Variants in NCOA3 observed in about 807,000 individuals in gnomAD.
NCOA3 encodes CBP-interacting protein.
Under a neutral mutation model 158.8 loss-of-function variants are expected in NCOA3, and 51 were observed. The observed-to-expected ratio is 0.32, with a 90% CI of 0.26 to 0.41. The LOEUF (loss-of-function observed/expected upper bound fraction) is 0.41. NCOA3 is among the 10% of genes least tolerant of loss of function. The probability of loss-of-function intolerance (pLI) is 1.00; values close to 1 mark genes in which losing one functional copy is unlikely to be tolerated. For synonymous variants in NCOA3, 537 were observed against 592.4 expected (o/e 0.91, Z 1.36); for missense variants, 1,510 against 1,746.6 (o/e 0.86, Z 2.41).
At chr20:47,504,691 C>A (rs950566778) in intron 1 of NCOA3, among the ~76,000 whole-genome samples, 5 of 151,260 alleles carry the variant, frequency 3.3e-5, no homozygotes, top group African/African-American at 1.2e-4. Flanking sequence ...GTAGTTCCAG[C>A]TACTCAGGAG....
chr20:47,651,288 A>G lies in NCOA3; in HGVS notation c.3946+12A>G. 1 of 1,591,240 alleles carries G rather than the reference A, an allele frequency of 6.3e-7. No homozygotes were observed. The highest frequency in any genetic ancestry group is 8.6e-7 in the Non-Finnish European group (1 of 1,164,516). On this transcript the variant is annotated intron_variant, in intron 20 of 22. Coordinates refer to ENST00000371998, the MANE Select transcript of NCOA3 (RefSeq NM_181659.3). ...TCAACCAAATTATGGTAAATCTGAC[A>G]ATGAAAATGTGCCTTCCCCAAGTTA...
At position 47,653,679 on chromosome 20, in the gene NCOA3, G is replaced by A. The variant is rs2086832817; in HGVS notation, c.*262G>A. The A allele has an allele frequency of 4.2e-6, 2 of 480,002 alleles. No individual in the cohort carries two copies. Among genetic ancestry groups the A allele is most frequent in the Non-Finnish European group, 3.7e-6 (1 of 272,132 alleles). The allele number at this position is 480,002 out of a possible 1,614,324, so 29.7% of individuals were successfully genotyped here. A position where few individuals can be genotyped will look rare whatever the true frequency, so the allele number is the denominator to read the frequency against. On this transcript the variant is annotated 3_prime_UTR_variant, in exon 23 of 23. Coordinates refer to ENST00000371998, the MANE Select transcript of NCOA3 (RefSeq NM_181659.3). Reference sequence around the variant, plus strand: ...TGTTTTTTGGCATTCCACCTCCTAGGGATATAATTCTGGAGACATGGAGTG... The same window carrying A: ...TGTTTTTTGGCATTCCACCTCCTAGAGATATAATTCTGGAGACATGGAGTG...
At chr20:47,519,891 A>C (rs998033127) in intron 1 of NCOA3, among the ~76,000 whole-genome samples, 2 of 151,940 alleles carry the variant, frequency 1.3e-5, no homozygotes, top group Admixed American at 1.3e-4. Context: ...CCTCCCAAGT[A>C]GCTGGGACTA....
At chr20:47,631,004 C>T (rs181444484) in intron 8 of NCOA3, 2 of 152,282 alleles carry the variant, frequency 1.3e-5, no homozygotes, top group Admixed American at 1.3e-4. Flanking sequence ...ATGAAGTCTG[C>T]CATGTTTAAC....
At position 47,539,379 on chromosome 20, in the gene NCOA3, T is replaced by C. The variant is rs1039907407; in HGVS notation, c.-99+37360T>C. Among the ~76,000 whole-genome samples, 30 of 152,218 alleles carry C rather than the reference T, an allele frequency of 2.0e-4. 1 individual carries two copies. The highest frequency in any genetic ancestry group is 5.8e-4 in the East Asian group (3 of 5,206). On this transcript the variant is annotated intron_variant, in intron 1 of 22. Coordinates refer to ENST00000371998, the MANE Select transcript of NCOA3 (RefSeq NM_181659.3). ...AAATAAAAGTTATGCTAATAGAACA[T>C]AAACTATTTGAGGACTGGGAGGTAT...
chr20:47,647,919 GTTTTT>G (rs34097290), intron 18 of NCOA3, among the ~76,000 whole-genome samples: 249 of 103,362 alleles, frequency 2.4e-3, no homozygotes, highest in African/African-American at 0.012. Context: ...GTTTTGTTTT[GTTTTT>G]TTTTTTTTGA....
At chr20:47,573,930 T>C (rs2085334562) in intron 1 of NCOA3, among the ~76,000 whole-genome samples, 1 of 152,190 alleles carries the variant, frequency 6.6e-6, no homozygotes, top group Non-Finnish European at 1.5e-5. Flanking sequence ...GGCCATTAAA[T>C]AACAACCCTT....
At chr20:47,587,951 C>G (rs1274343416) in intron 2 of NCOA3, among the ~76,000 whole-genome samples, 1 of 152,038 alleles carries the variant, frequency 6.6e-6, no homozygotes, top group African/African-American at 2.4e-5. Context: ...GCCTAATCCT[C>G]TAATACATCT....
rs1426073947 is a variant in NCOA3 at position 47,655,870 on chromosome 20, GTT to G, written c.*2455_*2456del. 2 of 152,460 alleles carry G rather than the reference GTT, an allele frequency of 1.3e-5. No homozygotes were observed. Among genetic ancestry groups the G allele is most frequent in the Admixed American group, 1.3e-4 (2 of 15,268 alleles). 9.4% of individuals were successfully genotyped at this position (152,460 alleles called of 1,614,324 possible). A position where few individuals can be genotyped will look rare whatever the true frequency, so the allele number is the denominator to read the frequency against. The stretch of plus-strand genomic sequence containing the variant: ...CTTTTTTATATAGTAGAAAAATGAA[GTT>G]TATTATAAGTTTTTATATTTTCTAC... On this transcript the variant is annotated 3_prime_UTR_variant, in exon 23 of 23. Coordinates refer to ENST00000371998, the MANE Select transcript of NCOA3 (RefSeq NM_181659.3).
intron 1 of NCOA3, 132 bp downstream of exon 1, chr20:47,502,151 G>C: frequency 5.0e-6 from 2 of 397,704 alleles, no homozygotes; most frequent in Non-Finnish European, 8.9e-6. Context: ...GGGCGCGCCG[G>C]CCGGGGGACG....
intron 2 of NCOA3, among the ~76,000 whole-genome samples, chr20:47,588,645 T>A (rs1568706832): frequency 6.6e-6 from 1 of 152,252 alleles, no homozygotes; most frequent in African/African-American, 2.4e-5. Context: ...GCCATTTTTC[T>A]TCAGTTTTCT....
chr20:47,550,226 C>G (rs1319670774), intron 1 of NCOA3, among the ~76,000 whole-genome samples: 1 of 151,276 alleles, frequency 6.6e-6, no homozygotes, highest in African/African-American at 2.4e-5. Context: ...GGGCAAATGA[C>G]CTGAGGTTGG....
chr20:47,524,908 CTATTT>C (rs1279345954), intron 1 of NCOA3, among the ~76,000 whole-genome samples: 7 of 151,860 alleles, frequency 4.6e-5, no homozygotes, highest in South Asian at 2.1e-4. Flanking sequence ...TTTTGTATTT[CTATTT>C]TATTTTATTT....
At chr20:47,511,550 T>TATATATATATATAC in intron 1 of NCOA3, among the ~76,000 whole-genome samples, 23 of 52,260 alleles carry the variant, frequency 4.4e-4, no homozygotes, top group Non-Finnish European at 6.4e-4. Context: ...TATATATATA[T>TATATATATATATAC]ATATATTTCT....
At chr20:47,575,405 C>T (rs1471478587) in intron 1 of NCOA3, among the ~76,000 whole-genome samples, 2 of 152,082 alleles carry the variant, frequency 1.3e-5, no homozygotes, top group African/African-American at 4.8e-5. Flanking sequence ...GCCAAATATG[C>T]ATAAACTTAA....
chr20:47,560,569 G>GT (rs959759100), intron 1 of NCOA3, among the ~76,000 whole-genome samples: 1 of 152,080 alleles, frequency 6.6e-6, no homozygotes, highest in Non-Finnish European at 1.5e-5. Context: ...GGTATTGTCA[G>GT]TTTTTTTAGA....
intron 2 of NCOA3, among the ~76,000 whole-genome samples, chr20:47,608,491 C>G (rs949165813): frequency 5.3e-5 from 8 of 151,278 alleles, no homozygotes; most frequent in African/African-American, 1.7e-4. Flanking sequence ...TTAAAAAAAT[C>G]AGCTGGGCAT....
chr20:47,641,327 T>A (rs1215145641), intron 16 of NCOA3, among the ~76,000 whole-genome samples: 1 of 141,274 alleles, frequency 7.1e-6, no homozygotes. Context: ...AACATTTCTT[T>A]TTTTTTTTTT....
At chr20:47,570,224 T>C (rs928781675) in intron 1 of NCOA3, among the ~76,000 whole-genome samples, 1 of 152,114 alleles carries the variant, frequency 6.6e-6, no homozygotes, top group African/African-American at 2.4e-5. Context: ...GCGGATTGCT[T>C]GAGCCCAGGA....
Sources: gnomAD v4.1 joint callset for allele counts (sites outside exome capture counted in the v4.1 genomes callset) on GRCh38, gnomAD v4.1.1 for gene constraint, MANE v1.5 for transcripts, NCBI Gene and HGNC (gene_info 2026-07-23, HGNC 2026-07-21) for gene names.